MED23: variants seen among roughly 807,000 people sequenced by gnomAD.
MED23 encodes mediator of RNA polymerase II transcription subunit 23.
A neutral mutation model predicts 163.9 loss-of-function variants in MED23; 105 were observed. The ratio of observed to expected loss-of-function variants is 0.64; its 90% confidence interval spans 0.55 to 0.75. MED23 has a LOEUF of 0.75. Ranked by LOEUF, MED23 falls within the 30% of genes least tolerant of loss-of-function variation. The pLI, the probability that MED23 is intolerant of heterozygous loss-of-function variation, is 0.00. For synonymous variants in MED23, 561 were observed against 565.6 expected (o/e 0.99, Z 0.12); for missense variants, 1,054 against 1,649.0 (o/e 0.64, Z 6.25).
Position 131,587,388 on chromosome 6 carries a change from A to G in MED23, c.*291T>C. On this transcript the variant is annotated 3_prime_UTR_variant, in exon 29 of 29. Coordinates refer to ENST00000368068, the MANE Select transcript of MED23 (RefSeq NM_004830.4). ...AGAATAGGAAAGACTGAAAGTGCCAATGACAAGTCATTTGATCACAGATAC... is the reference window on the plus strand; with the variant it reads ...AGAATAGGAAAGACTGAAAGTGCCAGTGACAAGTCATTTGATCACAGATAC... 1 of 1,208,648 alleles carries G rather than the reference A, an allele frequency of 8.3e-7. No individual in the cohort carries two copies. Among genetic ancestry groups the G allele is most frequent in the East Asian group, 4.4e-5 (1 of 22,620 alleles). The allele number at this position is 1,208,648 out of a possible 1,614,324, so 74.9% of individuals were successfully genotyped here.
downstream of MED23, chr6:131,582,788 C>A (rs1490667467): frequency 7.9e-7 from 1 of 1,266,878 alleles, no homozygotes; most frequent in Middle Eastern, 1.8e-4. Context: ...TACTGACCAA[C>A]TCTATGAGAG....
intron 3 of MED23, among the ~76,000 whole-genome samples, chr6:131,626,791 G>A (rs923338554): frequency 5.3e-5 from 8 of 152,202 alleles, no homozygotes; most frequent in Admixed American, 2.0e-4. Flanking sequence ...ACCAGTGGCT[G>A]ACACGCAAAC....
At chr6:131,576,378 T>C (rs1773613365) in intron 30 of MED23, among the ~76,000 whole-genome samples, 1 of 152,230 alleles carries the variant, frequency 6.6e-6, no homozygotes, top group Admixed American at 6.5e-5. Context: ...ATGTAGGTTT[T>C]GGAATCCAAA....
In MED23 at chr6:131,628,116, T is replaced by TA. The variant is rs1380011193; in HGVS notation, c.-68dup. 1.9e-6 allele frequency: 3 copies of TA among 1,582,418 alleles called. No individual in the cohort carries two copies. Among genetic ancestry groups the TA allele is most frequent in the Non-Finnish European group, 2.6e-6 (3 of 1,153,444 alleles). ...CCGGATCAGACTCGAGCTCTGGGAA[T>TA]ATAGGGGCAGAGGGGCGGAGACCTC... On this transcript the variant is annotated 5_prime_UTR_variant, in exon 1 of 29. Transcript: ENST00000368068.
intron 3 of MED23, among the ~76,000 whole-genome samples, chr6:131,626,357 A>C (rs1467402168): frequency 6.6e-6 from 1 of 152,058 alleles, no homozygotes; most frequent in Admixed American, 6.6e-5. Context: ...AAGACAGTAG[A>C]AGATTGGTTA....
intron 16 of MED23, among the ~76,000 whole-genome samples, 190 bp from the exon 17 acceptor site, chr6:131,602,571 G>A (rs770270709): frequency 1.3e-4 from 20 of 152,060 alleles, no homozygotes; most frequent in Non-Finnish European, 2.1e-4. Flanking sequence ...AGTGAAAATC[G>A]TGACTTTTTA....
At chr6:131,585,004 A>C (rs1311566097), downstream of MED23, among the ~76,000 whole-genome samples, 1 of 152,032 alleles carries the variant, frequency 6.6e-6, no homozygotes, top group Non-Finnish European at 1.5e-5. Flanking sequence ...GAAAAAAAAA[A>C]AAAAAAACCA....
intron 20 of MED23, among the ~76,000 whole-genome samples, chr6:131,597,499 A>AAAAAAG (rs1775153434): frequency 6.8e-6 from 1 of 146,202 alleles, no homozygotes; most frequent in African/African-American, 2.6e-5. Flanking sequence ...AAAAAAAAAG[A>AAAAAAG]AAAAAAAAAT....
At chr6:131,612,283 CAA>C (rs200234922) in intron 10 of MED23, among the ~76,000 whole-genome samples, 19 of 123,978 alleles carry the variant, frequency 1.5e-4, no homozygotes, top group Non-Finnish European at 1.4e-4. Flanking sequence ...TTGGTAACAT[CAA>C]AAAAAAAAAA....
rs1775708222 is a variant in MED23, at chr6:131,604,446, A to G, written c.1614-126T>C. On this transcript the variant is annotated intron_variant, in intron 14 of 28. Transcript: ENST00000368068. Reference sequence around the variant, plus strand: ...TGATTCAAATGAAGTTGATTCATTTAATGTGTTTAAGCTGTGCAGGACACT... The same window carrying G: ...TGATTCAAATGAAGTTGATTCATTTGATGTGTTTAAGCTGTGCAGGACACT... 9 of 1,096,324 alleles carry G rather than the reference A, an allele frequency of 8.2e-6. No individual in the cohort carries two copies. The Admixed American group carries it at 1.6e-4, about 20-fold the overall frequency. The allele number at this position is 1,096,324 out of a possible 1,614,324, so 67.9% of individuals were successfully genotyped here.
chr6:131,583,097 A>G (rs760069095), downstream of MED23: 16 of 1,613,956 alleles, frequency 9.9e-6, no homozygotes, highest in African/African-American at 1.3e-5. Flanking sequence ...ATACTTTTCA[A>G]TGACTGAAGT....
At chr6:131,581,189 G>T (rs41285336) in intron 30 of MED23, 1 of 1,612,412 alleles carries the variant, frequency 6.2e-7, no homozygotes, top group East Asian at 2.2e-5. Flanking sequence ...CTGCAAACCT[G>T]ATGTTCACAC....
chr6:131,611,778 A>C lies in MED23; in HGVS notation c.877-1532T>G, dbSNP rs1474008564. Among the ~76,000 whole-genome samples the C allele has an allele frequency of 3.3e-5, 5 of 152,256 alleles. No individual in the cohort carries two copies. The East Asian group carries it at 9.6e-4, about 29-fold the overall frequency. ...GATGGGAATTTGCTTCCAGTTTGGAAACTGACCAATTTGTCATCTATTTCT... is the reference window on the plus strand; with the variant it reads ...GATGGGAATTTGCTTCCAGTTTGGACACTGACCAATTTGTCATCTATTTCT... On this transcript the variant is annotated intron_variant, in intron 10 of 28. Coordinates refer to ENST00000368068, the MANE Select transcript of MED23 (RefSeq NM_004830.4).
At chr6:131,624,605 A>C (rs1413222059) in intron 4 of MED23, among the ~76,000 whole-genome samples, 1 of 152,240 alleles carries the variant, frequency 6.6e-6, no homozygotes, top group African/African-American at 2.4e-5. Context: ...TTGTGCAGCA[A>C]AAGTAAAGGG....
intron 6 of MED23, among the ~76,000 whole-genome samples, chr6:131,621,109 G>A (rs1215476913): frequency 6.6e-6 from 1 of 152,058 alleles, no homozygotes; most frequent in South Asian, 2.1e-4. Context: ...GCCCATGTGA[G>A]CGTTTTAAAC....
At chr6:131,597,596 C>G (rs1432272054) in intron 20 of MED23, among the ~76,000 whole-genome samples, 1 of 151,440 alleles carries the variant, frequency 6.6e-6, no homozygotes, top group South Asian at 2.1e-4. Flanking sequence ...TGGTTATATT[C>G]GCACTCTGTA....
chr6:131,628,119 AG>A lies in MED23; in HGVS notation c.-71del. 1 of 1,556,994 alleles carries A rather than the reference AG, an allele frequency of 6.4e-7. No individual in the cohort carries two copies. The highest frequency in any genetic ancestry group is 1.7e-5 in the Admixed American group (1 of 59,948). ...GATCAGACTCGAGCTCTGGGAATAT[AG>A]GGGCAGAGGGGCGGAGACCTCTGGA... On this transcript the variant is annotated 5_prime_UTR_variant, in exon 1 of 29. Transcript: ENST00000368068.
At position 131,574,621 on chromosome 6, in the gene MED23, C is replaced by G. The variant is rs147679567; in HGVS notation, c.4096-326G>C. Among the ~76,000 whole-genome samples the G allele has an allele frequency of 4.8e-3, 728 of 152,212 alleles. 3 individuals carry two copies. Among genetic ancestry groups the G allele is most frequent in the African/African-American group, 0.015 (633 of 41,490 alleles). On this transcript the variant is annotated intron_variant, in intron 30 of 30. Coordinates refer to the MED23 transcript ENST00000354577. ...GACTAAGAGAGAGAGATTTTTTACA[C>G]TAAGTCATAGAGTAGAGAGGATAAA...
chr6:131,599,894 C>T (rs998527641), intron 18 of MED23, 144 bp downstream of exon 18: 5 of 985,400 alleles, frequency 5.1e-6, no homozygotes, highest in Non-Finnish European at 7.5e-6. Context: ...GAGGCTTGTG[C>T]CACCATGCCC....
Sources: gnomAD v4.1 joint callset for allele counts (sites outside exome capture counted in the v4.1 genomes callset) on GRCh38, gnomAD v4.1.1 for gene constraint, MANE v1.5 for transcripts, NCBI Gene and HGNC (gene_info 2026-07-23, HGNC 2026-07-21) for gene names.